Variants in HCFC1 observed in about 807,000 individuals in gnomAD.
HCFC1 encodes the protein host cell factor 1.
In HCFC1, 7 loss-of-function variants were observed where a neutral mutation model predicts 105.5. The ratio of observed to expected loss-of-function variants is 0.07; its 90% confidence interval spans 0.04 to 0.12. HCFC1 has a LOEUF of 0.12. HCFC1 is among the 10% of genes least tolerant of loss of function. HCFC1 has a pLI of 1.00. For synonymous variants in HCFC1, 918 were observed against 828.1 expected, an observed-to-expected ratio of 1.11 and a Z score of -1.86; for missense variants, 1,065 against 1,823.6, an observed-to-expected ratio of 0.58 and a Z score of 7.58.
At position 153,954,385 on chromosome X, in the gene HCFC1, TGAA is replaced by T. The variant is rs1569546719; in HGVS notation, c.4011_4013del (p.Ser1338del). The stretch of plus-strand genomic sequence containing the variant: ...CCTCGGGCTGGCCCGTGCCCCCGTT[TGAA>T]GTAGCGGTGGTGGCCGTGTGGGTGG... On this transcript the variant is annotated inframe_deletion, in exon 17 of 26. Coordinates refer to ENST00000310441, the MANE Select transcript of HCFC1 (RefSeq NM_005334.3). The T allele has an allele frequency of 2.5e-6, 3 of 1,181,457 alleles. No individual in the cohort carries two copies. The highest frequency in any genetic ancestry group is 3.4e-6 in the Non-Finnish European group (3 of 882,938).
chrX:153,959,769 C>A (rs2065411780), intron 8 of HCFC1, 33 bp downstream of exon 8: 42 of 1,149,012 alleles, frequency 3.7e-5, no homozygotes, highest in Non-Finnish European at 4.9e-5. Context: ...GGCTAGCCCC[C>A]TACTTTCAAA....
At chrX:153,953,859 G>C in intron 17 of HCFC1, 89 bp from the exon 18 acceptor site, 2 of 1,014,252 alleles carry the variant, frequency 2.0e-6, no homozygotes, top group Non-Finnish European at 2.7e-6. Context: ...CTACCACCAA[G>C]GGGAGGGCCA....
Position 153,970,983 on chromosome X carries a change from G to A in HCFC1, c.-143C>T. ...AGCGGTAGACGACTCCATGGAGGCC[G>A]CCATCTTAACTGCCCTCCTTCCCTT... On this transcript the variant is annotated 5_prime_UTR_variant, in exon 1 of 26. Transcript: ENST00000310441. 1 of 459,509 alleles carries A rather than the reference G, an allele frequency of 2.2e-6. No homozygotes were observed. The highest frequency in any genetic ancestry group is 3.6e-6 in the Non-Finnish European group (1 of 278,500). 37.9% of individuals were successfully genotyped at this position (459,509 alleles called of 1,213,427 possible). A position where few individuals can be genotyped will look rare whatever the true frequency, so the allele number is the denominator to read the frequency against.
At chrX:153,955,816 T>C (rs1464462122) in intron 16 of HCFC1, among the ~76,000 whole-genome samples, 1 of 112,613 alleles carries the variant, frequency 8.9e-6, no homozygotes, top group Non-Finnish European at 1.9e-5. Flanking sequence ...GTCAAGTCCT[T>C]TGTCAGAGAA....
rs1557113397 is a variant in HCFC1 at position 153,953,769 on chromosome X, G to T, written c.4335C>A (p.Asp1445Glu). The stretch of plus-strand genomic sequence containing the variant: ...CCTGATCGCTGGCAGCAGGTGGGGG[G>T]TCTGTGGGGGCGACAGGCAGGCGGC... ...TVTSNMSSNQDPPPAASDQGE... is the reference protein window; with the variant it reads ...TVTSNMSSNQEPPPAASDQGE... The change falls in exon 18 of 26, where the codon GAC becomes GAA. Residue 1445 changes from aspartate to glutamate, a missense_variant and splice_region_variant. Asp to Glu is a conservative substitution (Grantham distance 45, BLOSUM62 2). Around this residue, in one of 17 missense-constraint regions of HCFC1, gnomAD observed 546 missense variants for 599.9 expected, o/e 0.91. Transcript: ENST00000310441. The T allele has an allele frequency of 8.3e-7, 1 of 1,203,072 alleles. No individual in the cohort carries two copies. The highest frequency in any genetic ancestry group is 1.1e-6 in the Non-Finnish European group (1 of 891,503).
chrX:153,952,290 C>G, intron 19 of HCFC1, 132 bp from the exon 20 acceptor site: 1 of 1,034,148 alleles, frequency 9.7e-7, no homozygotes, highest in Non-Finnish European at 1.3e-6. Flanking sequence ...AGGCTAAGCC[C>G]TGGCCGAGGG....
chrX:153,967,743 C>T (rs782373067), intron 1 of HCFC1, among the ~76,000 whole-genome samples: 23 of 111,607 alleles, frequency 2.1e-4, no homozygotes, highest in Non-Finnish European at 3.6e-4. Flanking sequence ...ACGTTTCAGC[C>T]GGGCCTTGAA....
chrX:153,953,932 C>T, intron 17 of HCFC1, 134 bp downstream of exon 17: 1 of 909,958 alleles, frequency 1.1e-6, no homozygotes, highest in South Asian at 2.3e-5. Context: ...GACGCCCCAG[C>T]TCTCCCCACT....
Position 153,956,383 on chromosome X carries a change from G to A in HCFC1, c.2664C>T (p.Gly888=). 3 of 1,211,746 alleles carry A rather than the reference G, an allele frequency of 2.5e-6. No homozygotes were observed. Among genetic ancestry groups the A allele is most frequent in the Non-Finnish European group, 2.2e-6 (2 of 895,282 alleles). Residue 888 remains glycine (G), a synonymous_variant, in exon 16 of 26, where the codon GGC becomes GGT. Transcript: ENST00000310441. ...CCCCGGCAAGGCTGGTGGAGACGGT[G>A]CCTGTCACTGTGCCTAGGGTCGTGA... is the stretch of plus-strand genomic sequence containing the variant. The part of the protein sequence containing the change: ...TGVTTLGTVT[G]TVSTSLAGAG...
intron 5 of HCFC1, among the ~76,000 whole-genome samples, 193 bp from the exon 6 acceptor site, chrX:153,961,841 C>T (rs956652743): frequency 1.8e-5 from 2 of 112,036 alleles, no homozygotes; most frequent in South Asian, 7.4e-4. Context: ...GTCACCTCTA[C>T]CACATAAAAG....
chrX:153,955,587 T>G (rs782308334), intron 16 of HCFC1, 45 bp from the exon 17 acceptor site: 162 of 1,126,905 alleles, frequency 1.4e-4, no homozygotes, highest in Non-Finnish European at 1.8e-4. Context: ...CAGCTGGCTG[T>G]CTGCCTGTCC....
chrX:153,953,232 T>C (rs2065332565), intron 18 of HCFC1: 1 of 439,791 alleles, frequency 2.3e-6, no homozygotes, highest in Admixed American at 4.0e-5. Context: ...CCATGTTAAA[T>C]AGGGAGGGGA....
rs368933757 is a variant in HCFC1, at chrX:153,954,165, G to A, written c.4234C>T (p.Pro1412Ser). Residue 1412 changes from proline (P) to serine (S), a missense_variant, in exon 17 of 26, where the codon CCA becomes TCA. Physicochemically the swap from Pro to Ser is moderately conservative, Grantham distance 74. Transcript: ENST00000310441. ...GGGTTGGAGCACACCCTCTGTGTTG[G>A]GAAAGGAGCCAGCAGCGCGGTGCCA... ...QAGTALLAPF[P>S]TQRVCSNPPC... The A allele has an allele frequency of 2.6e-6, 3 of 1,155,680 alleles. No individual in the cohort carries two copies. The highest frequency in any genetic ancestry group is 3.5e-6 in the Non-Finnish European group (3 of 864,787).
At chrX:153,957,928 A>C in intron 11 of HCFC1, 42 bp from the exon 12 acceptor site, 1 of 1,163,661 alleles carries the variant, frequency 8.6e-7, no homozygotes, top group East Asian at 3.0e-5. Flanking sequence ...CTGGAAACCA[A>C]ACAAGGGCAT....
chrX:153,958,607 G>A lies in HCFC1; in HGVS notation c.1765C>T (p.Leu589Phe). The A allele has an allele frequency of 8.3e-7, 1 of 1,208,592 alleles. No individual in the cohort carries two copies. The highest frequency in any genetic ancestry group is 1.1e-6 in the Non-Finnish European group (1 of 893,305). Residue 589 changes from leucine to phenylalanine, a missense_variant, in exon 10 of 26, where the codon CTC (leucine) becomes TTC (phenylalanine). Leu to Phe is a conservative substitution (Grantham distance 22). Coordinates refer to ENST00000310441, the MANE Select transcript of HCFC1 (RefSeq NM_005334.3). ...GAGGCCACCTTCACAGTGGCTGGGA[G>A]GGTGGTAGTGCCAGGTGTCACAGCC... ...TMAVTPGTTTLPATVKVASSP... is the reference protein window; with the variant it reads ...TMAVTPGTTTFPATVKVASSP...
rs782339413 is a variant in HCFC1 at position 153,954,433 on chromosome X, G to A, written c.3966C>T (p.Cys1322=). 7 of 1,208,509 alleles carry A rather than the reference G, an allele frequency of 5.8e-6. No homozygotes were observed. The highest frequency in any genetic ancestry group is 7.8e-6 in the Non-Finnish European group (7 of 894,324). The change falls in exon 17 of 26, where the codon TGC becomes TGT. Residue 1322 remains cysteine, a synonymous_variant. Coordinates refer to ENST00000310441, the MANE Select transcript of HCFC1 (RefSeq NM_005334.3). Reference sequence around the variant, plus strand: ...GGGTGGTGCCCGTCTCGTGGGTCTCGCATGGCGGGTTGGAGCACACCCTCT... The same window carrying A: ...GGGTGGTGCCCGTCTCGTGGGTCTCACATGGCGGGTTGGAGCACACCCTCT... ...SAQRVCSNPP[C]ETHETGTTHT...
At chrX:153,952,492 C>G (rs782643953) in intron 19 of HCFC1, 22 bp downstream of exon 19, 1 of 1,136,371 alleles carries the variant, frequency 8.8e-7, no homozygotes, top group South Asian at 2.1e-5. Context: ...CCCGGCTTCC[C>G]CAGGGTTGCA....
chrX:153,968,096 G>A (rs1011537104), intron 1 of HCFC1, among the ~76,000 whole-genome samples: 1 of 111,026 alleles, frequency 9.0e-6, no homozygotes, highest in Middle Eastern at 4.6e-3. Flanking sequence ...ATTTTCCAAG[G>A]CTCCCTCCAG....
rs1557114906 is a variant in HCFC1 at position 153,956,255 on chromosome X, A to G, written c.2792T>C (p.Val931Ala). Reference sequence around the variant, plus strand: ...TGTCAGCGTGGTCTGTGCGGCCGACACAGTGATGGCAGTGGGGTTGATCAC... The same window carrying G: ...TGTCAGCGTGGTCTGTGCGGCCGACGCAGTGATGGCAGTGGGGTTGATCAC... ...SQVINPTAIT[V>A]SAAQTTLTAA... The change falls in exon 16 of 26, where the codon GTG (valine) becomes GCG (alanine). Residue 931 changes from valine to alanine, a missense_variant. Around this residue, in one of 17 missense-constraint regions of HCFC1, gnomAD observed 137 missense variants for 378.2 expected, o/e 0.36. Transcript: ENST00000310441. The G allele has an allele frequency of 8.3e-7, 1 of 1,211,581 alleles. No homozygotes were observed. Among genetic ancestry groups the G allele is most frequent in the African/African-American group, 1.7e-5 (1 of 57,655 alleles).
Sources: allele counts gnomAD v4.1 joint callset (sites outside exome capture counted in the v4.1 genomes callset), GRCh38; gene constraint gnomAD v4.1.1; regional missense constraint gnomAD v4.1.1; transcripts MANE v1.5; gene names NCBI Gene and HGNC (gene_info 2026-07-23, HGNC 2026-07-21).